GLT6D1: variants seen among roughly 807,000 people sequenced by gnomAD.
GLT6D1 encodes the protein putative glycosyltransferase 6 domain-containing protein 1.
Under a neutral mutation model 12.3 loss-of-function variants are expected in GLT6D1, and 9 were observed. The ratio of observed to expected loss-of-function variants is 0.73; its 90% confidence interval spans 0.44 to 1.27. The LOEUF is 1.27. Ranked by LOEUF, GLT6D1 falls within the 50% of genes most tolerant of loss-of-function variation. The pLI is 0.00. For synonymous variants in GLT6D1, 128 were observed against 132.3 expected (o/e 0.97, Z 0.23); for missense variants, 335 against 346.2 (o/e 0.97, Z 0.26).
chr9:135,631,228 G>T (rs1833638849), intron 3 of GLT6D1, among the ~76,000 whole-genome samples: 1 of 152,216 alleles, frequency 6.6e-6, no homozygotes, highest in South Asian at 2.1e-4. Context: ...CAGGTAGAGA[G>T]CGTCTGCTTC....
chr9:135,639,553 C>A, upstream of GLT6D1: 1 of 162,092 alleles, frequency 6.2e-6, no homozygotes, highest in Non-Finnish European at 1.3e-5. Context: ...ATTCTGCCCC[C>A]GAAGTCGACT....
At chr9:135,626,916 C>T (rs1833533665) in intron 3 of GLT6D1, among the ~76,000 whole-genome samples, 1 of 152,196 alleles carries the variant, frequency 6.6e-6, no homozygotes, top group South Asian at 2.1e-4. Flanking sequence ...CAATCACATG[C>T]TCAACTCGGA....
chr9:135,632,316 A>G (rs1178424751), intron 2 of GLT6D1, among the ~76,000 whole-genome samples: 1 of 152,102 alleles, frequency 6.6e-6, no homozygotes, highest in Admixed American at 6.6e-5. Flanking sequence ...AATTATTTGT[A>G]GAGACAGGGT....
Position 135,624,021 on chromosome 9 carries a change from C to G in GLT6D1, c.*76G>C. ...GTAATTCATAATTTCCTCTGGGAAT[C>G]ATGTGCGACCTTGACGTATTGGATC... On this transcript the variant is annotated 3_prime_UTR_variant, in exon 5 of 5. Coordinates refer to ENST00000371763, the MANE Select transcript of GLT6D1 (RefSeq NM_182974.3). 1.2e-6 allele frequency: 1 copy of G among 860,820 alleles called. No individual in the cohort carries two copies. Among genetic ancestry groups the G allele is most frequent in the East Asian group, 2.5e-5 (1 of 40,290 alleles). 53.3% of individuals were successfully genotyped at this position (860,820 alleles called of 1,614,324 possible). A position where few individuals can be genotyped will look rare whatever the true frequency, so the allele number is the denominator to read the frequency against.
At position 135,624,144 on chromosome 9, in the gene GLT6D1, A is replaced by T; in HGVS notation, c.784T>A (p.Tyr262Asn). 1 of 1,613,512 alleles carries T rather than the reference A, an allele frequency of 6.2e-7. No individual in the cohort carries two copies. The highest frequency in any genetic ancestry group is 8.5e-7 in the Non-Finnish European group (1 of 1,179,732). ...AAATATTTGTTAAGGTGCTTTTCAT[A>T]AGTGCTATTGAGTCCATTTTTGATG... The part of the protein sequence containing the change: ...HDIKNGLNST[Y>N]EKHLNKYFYL... Residue 262 changes from tyrosine to asparagine, a missense_variant, in exon 5 of 5, where the codon TAT becomes AAT. Tyr to Asn is a moderately radical substitution (Grantham distance 143). Coordinates refer to ENST00000371763, the MANE Select transcript of GLT6D1 (RefSeq NM_182974.3).
intron 3 of GLT6D1, among the ~76,000 whole-genome samples, chr9:135,627,736 C>G (rs2119134605): frequency 6.6e-6 from 1 of 152,274 alleles, no homozygotes; most frequent in East Asian, 1.9e-4. Flanking sequence ...TTTTGAGGAA[C>G]TGACAAACTG....
At position 135,624,218 on chromosome 9, in the gene GLT6D1, T is replaced by C. The variant is rs1362158812; in HGVS notation, c.710A>G (p.His237Arg). The C allele has an allele frequency of 5.0e-6, 8 of 1,609,736 alleles. No homozygotes were observed. In the East Asian group the frequency reaches 6.7e-5, roughly 13 times the overall value. ...YGNLMVGGTP[H>R]NILDFIKEYL... ...TTCTTTGATGAAGTCTAAAATATTA[T>C]GGGGTGTGCCACCAACCATCAAGTT... The change falls in exon 5 of 5, where the codon CAT becomes CGT. Residue 237 changes from histidine to arginine, a missense_variant. Transcript: ENST00000371763.
At chr9:135,629,056 G>A (rs976378899) in intron 3 of GLT6D1, among the ~76,000 whole-genome samples, 1 of 151,784 alleles carries the variant, frequency 6.6e-6, no homozygotes, top group African/African-American at 2.4e-5. Flanking sequence ...CTATTTAATT[G>A]ATTTGCTCTT....
At chr9:135,640,303 C>T (rs1292535094), upstream of GLT6D1, among the ~76,000 whole-genome samples, 2 of 152,076 alleles carry the variant, frequency 1.3e-5, no homozygotes, top group South Asian at 2.1e-4. Context: ...ACAGGTGAAA[C>T]GGTAACAGTC....
At chr9:135,628,285 T>G (rs1468689740) in intron 3 of GLT6D1, among the ~76,000 whole-genome samples, 1 of 152,092 alleles carries the variant, frequency 6.6e-6, no homozygotes, top group East Asian at 1.9e-4. Flanking sequence ...TATTTATATT[T>G]TTTTAAGTGT....
intron 2 of GLT6D1, 66 bp from the exon 3 acceptor site, chr9:135,631,544 G>C (rs1270963338): frequency 2.1e-5 from 26 of 1,230,076 alleles, no homozygotes; most frequent in Non-Finnish European, 3.0e-5. Flanking sequence ...GCCTGTGATA[G>C]GCAGGCCCCG....
chr9:135,632,749 C>A (rs1480140304), intron 2 of GLT6D1, among the ~76,000 whole-genome samples: 2 of 151,686 alleles, frequency 1.3e-5, no homozygotes, highest in Non-Finnish European at 2.9e-5. Context: ...CTCACCGCAA[C>A]CTCCACCTCT....
chr9:135,635,912 A>G (rs945742370), intron 2 of GLT6D1, among the ~76,000 whole-genome samples: 1 of 152,142 alleles, frequency 6.6e-6, no homozygotes, highest in Admixed American at 6.5e-5. Flanking sequence ...TTGCTCCCCC[A>G]TGCCTCATCC....
chr9:135,632,201 C>T (rs1302491400), intron 2 of GLT6D1, among the ~76,000 whole-genome samples: 2 of 148,028 alleles, frequency 1.4e-5, no homozygotes, highest in Non-Finnish European at 3.0e-5. Flanking sequence ...GGCATCATCA[C>T]AATTCACTGC....
At chr9:135,638,563 C>A (rs1833829066) in intron 2 of GLT6D1, among the ~76,000 whole-genome samples, 1 of 151,992 alleles carries the variant, frequency 6.6e-6, no homozygotes, top group African/African-American at 2.4e-5. Context: ...AATATTATAT[C>A]CCTGGCATTG....
intron 2 of GLT6D1, among the ~76,000 whole-genome samples, chr9:135,633,517 A>G (rs574391876): frequency 9.2e-5 from 14 of 152,280 alleles, no homozygotes; most frequent in African/African-American, 3.1e-4. Flanking sequence ...GGCCTCCCAA[A>G]GTGCTGGGAC....
chr9:135,632,563 G>C (rs1328579192), intron 2 of GLT6D1, among the ~76,000 whole-genome samples: 2 of 152,106 alleles, frequency 1.3e-5, no homozygotes, highest in Non-Finnish European at 2.9e-5. Context: ...TGACCGTGCT[G>C]GTCTTATTAA....
At chr9:135,640,798 T>A (rs1833877128), upstream of GLT6D1, among the ~76,000 whole-genome samples, 1 of 152,136 alleles carries the variant, frequency 6.6e-6, no homozygotes, top group African/African-American at 2.4e-5. Context: ...CTTCATATAA[T>A]CCCTTCCTGG....
rs1833425437 is a variant in GLT6D1, at chr9:135,624,172, A to G, written c.756T>C (p.His252=). The G allele has an allele frequency of 1.5e-5, 24 of 1,613,296 alleles. No homozygotes were observed. Among genetic ancestry groups the G allele is most frequent in the Non-Finnish European group, 1.9e-5 (23 of 1,179,820 alleles). ...TGCTATTGAGTCCATTTTTGATGTCATGAATAACTCCGTTCAGATATTCTT... is the reference window on the plus strand; with the variant it reads ...TGCTATTGAGTCCATTTTTGATGTCGTGAATAACTCCGTTCAGATATTCTT... ...FIKEYLNGVI[H]DIKNGLNSTY... is the part of the protein sequence containing the mutation. The change falls in exon 5 of 5, where the codon CAT becomes CAC. Residue 252 remains histidine (H), a synonymous_variant. Transcript: ENST00000371763.
Sources: allele counts gnomAD v4.1 joint callset (sites outside exome capture counted in the v4.1 genomes callset), GRCh38; gene constraint gnomAD v4.1.1; transcripts MANE v1.5; gene names NCBI Gene and HGNC (gene_info 2026-07-23, HGNC 2026-07-21).